Variants in CDK8 observed in about 807,000 individuals in gnomAD.
CDK8 encodes cyclin dependent kinase 8.
CDK8 carries 29 observed loss-of-function variants against 71.5 expected under a neutral mutation model. The observed-to-expected ratio is 0.41, with a 90% CI of 0.30 to 0.55. The LOEUF (loss-of-function observed/expected upper bound fraction) is 0.55, where lower values mean the gene tolerates loss of function less well. Ranked by LOEUF, CDK8 falls within the 20% of genes least tolerant of loss-of-function variation. The pLI, the probability that CDK8 is intolerant of heterozygous loss-of-function variation, is 0.37. For synonymous variants in CDK8, 161 were observed against 192.1 expected, an observed-to-expected ratio of 0.84 and a Z score of 1.34; for missense variants, 288 against 572.6, an observed-to-expected ratio of 0.50 and a Z score of 5.07.
rs181726516 is a variant in CDK8, at chr13:26,256,717, T to C, written c.128+1948T>C. Among the ~76,000 whole-genome samples the C allele has an allele frequency of 1.2e-4, 19 of 152,306 alleles. No homozygotes were observed. The East Asian group carries it at 3.5e-3, about 28-fold the overall frequency. ...AATTTAAAGATAGTTGAAGGTATAATGTATGGACATTCTTAGTCATCTGTG... is the reference window on the plus strand; with the variant it reads ...AATTTAAAGATAGTTGAAGGTATAACGTATGGACATTCTTAGTCATCTGTG... On this transcript the variant is annotated intron_variant, in intron 1 of 12. Coordinates refer to ENST00000381527, the MANE Select transcript of CDK8 (RefSeq NM_001260.3).
intron 9 of CDK8, among the ~76,000 whole-genome samples, chr13:26,398,083 TCG>T (rs1876077160): frequency 6.6e-6 from 1 of 152,172 alleles, no homozygotes; most frequent in African/African-American, 2.4e-5. Context: ...TCCTTTTTCT[TCG>T]CTTTCTACTG....
chr13:26,319,184 C>T (rs1211313770), intron 1 of CDK8, among the ~76,000 whole-genome samples: 2 of 152,008 alleles, frequency 1.3e-5, no homozygotes, highest in Admixed American at 1.3e-4. Context: ...AAGAATAAAA[C>T]AGGCTGGGTG....
intron 1 of CDK8, among the ~76,000 whole-genome samples, chr13:26,297,522 A>G (rs1372783065): frequency 6.6e-6 from 1 of 152,124 alleles, no homozygotes; most frequent in Admixed American, 6.5e-5. Context: ...TCTAAATGGG[A>G]TAGTCTTCCA....
At chr13:26,323,499 A>G (rs1593263772) in intron 1 of CDK8, among the ~76,000 whole-genome samples, 2 of 152,158 alleles carry the variant, frequency 1.3e-5, no homozygotes, top group South Asian at 4.2e-4. Flanking sequence ...ATACCATCAC[A>G]TTGTGGGTTA....
chr13:26,343,828 A>G (rs1241025645), intron 2 of CDK8, among the ~76,000 whole-genome samples: 1 of 152,120 alleles, frequency 6.6e-6, no homozygotes, highest in Non-Finnish European at 1.5e-5. Flanking sequence ...TAAAATACAC[A>G]TTGTACACCT....
At position 26,353,776 on chromosome 13, in the gene CDK8, A is replaced by T; in HGVS notation, c.352A>T (p.Lys118Ter). The T allele has an allele frequency of 6.2e-7, 1 of 1,613,222 alleles. No homozygotes were observed. The highest frequency in any genetic ancestry group is 8.5e-7 in the Non-Finnish European group (1 of 1,179,394). Residue 118 changes from lysine (K) to a stop codon, truncating the protein, a stop_gained, in exon 4 of 13, where the codon AAG (lysine) becomes TAG (stop). Transcript: ENST00000381527. LOFTEE classifies it high-confidence loss of function. ...IKFHRASKANKKPVQLPRGMV... is the reference protein window; with the variant it reads ...IKFHRASKAN The stretch of plus-strand genomic sequence containing the variant: ...GTTTCACAGAGCTTCTAAAGCAAAC[A>T]AGAAGCCAGTTCAGTTACCTCGGGG...
At position 26,401,680 on chromosome 13, in the gene CDK8, G is replaced by T; in HGVS notation, c.1269+56G>T. Reference sequence around the variant, plus strand: ...TGTCAGTGTTTACATATGGGTTTATGATCGTGGGAAAATGTGATTTAATTG... The same window carrying T: ...TGTCAGTGTTTACATATGGGTTTATTATCGTGGGAAAATGTGATTTAATTG... On this transcript the variant is annotated intron_variant, in intron 12 of 12. Transcript: ENST00000381527. The surrounding 1 kb of genome is among the most constrained non-coding windows in gnomAD (Gnocchi z 4.5). 1 of 1,551,836 alleles carries T rather than the reference G, an allele frequency of 6.4e-7. No homozygotes were observed. The highest frequency in any genetic ancestry group is 1.1e-5 in the South Asian group (1 of 89,468).
intron 1 of CDK8, among the ~76,000 whole-genome samples, chr13:26,284,831 AAAG>A (rs1872925091): frequency 1.3e-5 from 2 of 152,002 alleles, no homozygotes; most frequent in Admixed American, 6.6e-5. Flanking sequence ...ACAAAAACAA[AAAG>A]AAGGAAAGAA....
chr13:26,322,121 T>A (rs1385990856), intron 1 of CDK8, among the ~76,000 whole-genome samples: 1 of 152,098 alleles, frequency 6.6e-6, no homozygotes, highest in East Asian at 1.9e-4. Flanking sequence ...GGCCTTTTGG[T>A]GTTCCGGAAA....
At chr13:26,358,252 T>A (rs1184359325) in intron 4 of CDK8, among the ~76,000 whole-genome samples, 2 of 151,978 alleles carry the variant, frequency 1.3e-5, no homozygotes, top group African/African-American at 4.8e-5. Flanking sequence ...TGAGCTGGGA[T>A]CGCGCCACTG....
At chr13:26,257,532 C>T (rs1016588448) in intron 1 of CDK8, among the ~76,000 whole-genome samples, 3 of 152,088 alleles carry the variant, frequency 2.0e-5, no homozygotes, top group Non-Finnish European at 4.4e-5. Context: ...TGTTCTCACT[C>T]GTGTCGCCGT....
At chr13:26,334,182 A>G (rs2137967963) in intron 1 of CDK8, among the ~76,000 whole-genome samples, 1 of 152,300 alleles carries the variant, frequency 6.6e-6, no homozygotes, top group African/African-American at 2.4e-5. Context: ...GTTCACAGAG[A>G]AGAAATTGTC....
chr13:26,341,981 C>T (rs1011021421), intron 2 of CDK8, among the ~76,000 whole-genome samples: 6 of 151,932 alleles, frequency 3.9e-5, no homozygotes, highest in African/African-American at 9.7e-5. Context: ...AGTACAGTGG[C>T]GCAATCTCGG....
chr13:26,344,622 C>T (rs1873383745), intron 2 of CDK8, among the ~76,000 whole-genome samples: 1 of 152,062 alleles, frequency 6.6e-6, no homozygotes, highest in South Asian at 2.1e-4. Flanking sequence ...CAAAAATTAG[C>T]TGGGTGTGGT....
At chr13:26,367,951 G>A (rs1447306091) in intron 4 of CDK8, among the ~76,000 whole-genome samples, 3 of 152,224 alleles carry the variant, frequency 2.0e-5, no homozygotes, top group Non-Finnish European at 4.4e-5. Context: ...GGCAGATTTG[G>A]CAGGGATTCT....
intron 2 of CDK8, among the ~76,000 whole-genome samples, chr13:26,339,527 G>A (rs1175299332): frequency 6.6e-6 from 1 of 150,430 alleles, no homozygotes; most frequent in Non-Finnish European, 1.5e-5. Flanking sequence ...TTTATTCTTT[G>A]TCAGAATTGT....
chr13:26,362,650 TG>T (rs1202426232), intron 4 of CDK8, among the ~76,000 whole-genome samples: 1 of 152,070 alleles, frequency 6.6e-6, no homozygotes, highest in Non-Finnish European at 1.5e-5. Context: ...TACTTGGAGG[TG>T]GATCTTTCCA....
At chr13:26,307,116 C>G (rs758895656) in intron 1 of CDK8, among the ~76,000 whole-genome samples, 20 of 152,152 alleles carry the variant, frequency 1.3e-4, no homozygotes, top group Non-Finnish European at 2.5e-4. Context: ...AGTTATAGCT[C>G]CTTAAATACA....
At chr13:26,284,811 A>G (rs1297766618) in intron 1 of CDK8, among the ~76,000 whole-genome samples, 3 of 152,056 alleles carry the variant, frequency 2.0e-5, no homozygotes, top group Admixed American at 6.6e-5. Context: ...GAAAGGTTAT[A>G]ATAACAACAA....
Sources: gnomAD v4.1 joint callset for allele counts (sites outside exome capture counted in the v4.1 genomes callset) on GRCh38, gnomAD v4.1.1 for gene constraint, Gnocchi (gnomAD v3.1) non-coding constraint, MANE v1.5 for transcripts, NCBI Gene and HGNC (gene_info 2026-07-23, HGNC 2026-07-21) for gene names.